Variants in FAM13B observed in about 807,000 individuals in gnomAD.
The protein encoded by FAM13B is protein FAM13B.
In FAM13B, 60 loss-of-function variants were observed where a neutral mutation model predicts 117.3. The observed-to-expected ratio is 0.51, with a 90% CI of 0.42 to 0.63. The LOEUF is 0.63. FAM13B is among the 30% of genes least tolerant of loss of function. The pLI is 0.00. For missense variants in FAM13B, 972 were observed against 1,091.9 expected (o/e 0.89, Z 1.55); for synonymous variants, 332 against 356.1 (o/e 0.93, Z 0.76).
intron 18 of FAM13B, 29 bp from the exon 19 acceptor site, chr5:137,946,340 T>TAAAAAAAAAAAAAA: frequency 8.2e-7 from 1 of 1,219,534 alleles, no homozygotes; most frequent in Non-Finnish European, 1.1e-6. Context: ...AATAACAAAA[T>TAAAAAAAAAAAAAA]ACAAAAAAAA....
At chr5:138,047,261 C>T (rs1176646531) in intron 1 of FAM13B, among the ~76,000 whole-genome samples, 1 of 151,184 alleles carries the variant, frequency 6.6e-6, no homozygotes, top group Non-Finnish European at 1.5e-5. Flanking sequence ...AATCTCAGCA[C>T]TTTGGGAGGC....
intron 10 of FAM13B, among the ~76,000 whole-genome samples, chr5:137,972,676 G>C (rs1207372036): frequency 6.6e-6 from 1 of 151,974 alleles, no homozygotes; most frequent in Non-Finnish European, 1.5e-5. Context: ...AATTGTCCCG[G>C]TTTGCAGACG....
chr5:137,983,323 T>A (rs1455061503), intron 10 of FAM13B, among the ~76,000 whole-genome samples: 1 of 151,034 alleles, frequency 6.6e-6, no homozygotes, highest in East Asian at 1.9e-4. Flanking sequence ...TCAACAGACA[T>A]CACTGGTGAC....
At chr5:137,971,396 A>G (rs1210345690) in intron 10 of FAM13B, among the ~76,000 whole-genome samples, 2 of 151,740 alleles carry the variant, frequency 1.3e-5, no homozygotes, top group Non-Finnish European at 2.9e-5. Context: ...AGAAATAAAG[A>G]TGTTCTTTGA....
chr5:138,011,198 G>A (rs1783914356), intron 5 of FAM13B, 49 bp from the exon 6 acceptor site: 6 of 1,537,046 alleles, frequency 3.9e-6, no homozygotes, highest in Non-Finnish European at 5.3e-6. Context: ...ATCAATCACA[G>A]GTAAAGGTAG....
intron 12 of FAM13B, 90 bp from the exon 13 acceptor site, chr5:137,959,853 TTCA>T (rs1767646880): frequency 1.6e-6 from 2 of 1,287,996 alleles, no homozygotes; most frequent in Admixed American, 4.1e-5. Context: ...AAGTGTAGTC[TTCA>T]TTAGTTTACT....
At chr5:138,013,563 A>C (rs1045023884) in intron 4 of FAM13B, among the ~76,000 whole-genome samples, 1 of 152,174 alleles carries the variant, frequency 6.6e-6, no homozygotes, top group South Asian at 2.1e-4. Flanking sequence ...GTTTTACTTA[A>C]AATTTAAAAT....
intron 10 of FAM13B, 94 bp from the exon 11 acceptor site, chr5:137,962,563 A>G (rs1211405437): frequency 9.7e-7 from 1 of 1,032,282 alleles, no homozygotes; most frequent in Non-Finnish European, 1.5e-6. Flanking sequence ...AATACAGATT[A>G]GTCAAACACC....
chr5:138,050,157 G>A (rs983165495), intron 1 of FAM13B, among the ~76,000 whole-genome samples: 1 of 152,130 alleles, frequency 6.6e-6, no homozygotes, highest in Non-Finnish European at 1.5e-5. Flanking sequence ...TAAAAAGAGG[G>A]CCAGGCATGG....
intron 1 of FAM13B, among the ~76,000 whole-genome samples, chr5:138,041,078 A>AG (rs1019286439): frequency 4.0e-5 from 6 of 151,538 alleles, no homozygotes; most frequent in East Asian, 1.9e-4. Flanking sequence ...AAAAAAAAAA[A>AG]AAAGAAAAGA....
At chr5:137,969,580 C>T (rs1175301332) in intron 10 of FAM13B, among the ~76,000 whole-genome samples, 2 of 152,200 alleles carry the variant, frequency 1.3e-5, no homozygotes, top group African/African-American at 4.8e-5. Context: ...AACGCAGTTC[C>T]TCACCAGCAA....
At chr5:137,990,170 G>C (rs1484074159) in intron 7 of FAM13B, among the ~76,000 whole-genome samples, 1 of 152,128 alleles carries the variant, frequency 6.6e-6, no homozygotes, top group Non-Finnish European at 1.5e-5. Flanking sequence ...TATGTGGTGC[G>C]ATCTGTTTTA....
In FAM13B at chr5:138,018,809, A is replaced by G. The variant is rs964244583; in HGVS notation, c.157+146T>C. 4.2e-6 allele frequency: 3 copies of G among 707,236 alleles called. No individual in the cohort carries two copies. The African/African-American group carries it at 5.4e-5, about 13-fold the overall frequency. 43.8% of individuals were successfully genotyped at this position (707,236 alleles called of 1,614,324 possible). On this transcript the variant is annotated intron_variant, in intron 3 of 23. Transcript: ENST00000689681. ...AAGTATATGAATTTAAGTAAAAATC[A>G]CACTAAAACATTAAAAAGAATTTCT...
intron 13 of FAM13B, 105 bp from the exon 14 acceptor site, chr5:137,956,647 C>G: frequency 1.6e-6 from 1 of 627,034 alleles, no homozygotes; most frequent in Non-Finnish European, 2.4e-6. Context: ...AAACATTTCC[C>G]TAAAACCAGT....
At chr5:137,957,822 C>T (rs1210536054) in intron 13 of FAM13B, among the ~76,000 whole-genome samples, 1 of 152,174 alleles carries the variant, frequency 6.6e-6, no homozygotes, top group Non-Finnish European at 1.5e-5. Context: ...CAGCAGCCTA[C>T]AGGTTACCTC....
At position 137,988,276 on chromosome 5, in the gene FAM13B, T is replaced by C; in HGVS notation, c.888A>G (p.Thr296=). 6.5e-7 allele frequency: 1 copy of C among 1,549,404 alleles called. No homozygotes were observed. Among genetic ancestry groups the C allele is most frequent in the Non-Finnish European group, 8.6e-7 (1 of 1,158,904 alleles). ...TCTTCTATAAATATACTACTTACTCTGTAGAGGCTGGTAGGATGCTGATGG... is the reference window on the plus strand; with the variant it reads ...TCTTCTATAAATATACTACTTACTCCGTAGAGGCTGGTAGGATGCTGATGG... ...ISPISILPAS[T]DILERTIRAA... is the part of the protein sequence containing the mutation. The change falls in exon 8 of 24, where the codon ACA becomes ACG. Residue 296 remains threonine, a splice_region_variant and synonymous_variant. Coordinates refer to ENST00000689681, the MANE Select transcript of FAM13B (RefSeq NM_001385994.1).
At chr5:138,004,075 C>T (rs1195165041) in intron 7 of FAM13B, among the ~76,000 whole-genome samples, 1 of 151,996 alleles carries the variant, frequency 6.6e-6, no homozygotes, top group African/African-American at 2.4e-5. Flanking sequence ...TTGAGACCAG[C>T]CTGGCCAACA....
intron 10 of FAM13B, 106 bp from the exon 11 acceptor site, chr5:137,962,575 C>A (rs1768456836): frequency 2.3e-6 from 2 of 858,550 alleles, no homozygotes. Flanking sequence ...TCAAACACCC[C>A]TAATTAGCTA....
intron 10 of FAM13B, among the ~76,000 whole-genome samples, chr5:137,967,794 G>A (rs1770529969): frequency 6.6e-6 from 1 of 152,102 alleles, no homozygotes; most frequent in African/African-American, 2.4e-5. Context: ...TTGGTAAGGT[G>A]AGGTGGGAGG....
Sources: gnomAD v4.1 joint callset for allele counts (sites outside exome capture counted in the v4.1 genomes callset) on GRCh38, gnomAD v4.1.1 for gene constraint, MANE v1.5 for transcripts, NCBI Gene and HGNC (gene_info 2026-07-23, HGNC 2026-07-21) for gene names.